KLRC1: variants seen among roughly 807,000 people sequenced by gnomAD.
KLRC1 encodes the protein NKG2-A/NKG2-B type II integral membrane protein.
Under a neutral mutation model 25.9 loss-of-function variants are expected in KLRC1, and 22 were observed. That is an observed-to-expected ratio of 0.85 (90% CI 0.61 to 1.21). The LOEUF (loss-of-function observed/expected upper bound fraction) is 1.21. Among genes scored for constraint, KLRC1 ranks in the 50% most tolerant of loss-of-function variants. The pLI, the probability that KLRC1 is intolerant of heterozygous loss-of-function variation, is 0.00. For synonymous variants in KLRC1, 77 were observed against 93.1 expected (o/e 0.83, Z 0.99); for missense variants, 240 against 272.2 (o/e 0.88, Z 0.83).
chr12:10,448,213 T>A (rs1591613949), intron 5 of KLRC1, among the ~76,000 whole-genome samples: 1 of 151,860 alleles, frequency 6.6e-6, no homozygotes, highest in Non-Finnish European at 1.5e-5. Flanking sequence ...CTCTGAAAGG[T>A]GGAAAGAGAA....
At chr12:10,449,194 G>A (rs771443855) in intron 5 of KLRC1, 43 bp downstream of exon 5, 30 of 1,610,972 alleles carry the variant, frequency 1.9e-5, no homozygotes, top group African/African-American at 1.3e-4. Context: ...ATTATCGACC[G>A]AAAGAAGCTT....
chr12:10,452,180 T>C (rs964206178), intron 1 of KLRC1, among the ~76,000 whole-genome samples: 10 of 152,134 alleles, frequency 6.6e-5, no homozygotes, highest in African/African-American at 2.4e-4. Context: ...TAATTAGTAA[T>C]TGGTAATTTA....
intron 6 of KLRC1, chr12:10,447,331 T>C (rs1864009716): frequency 2.9e-5 from 5 of 172,432 alleles, no homozygotes; most frequent in South Asian, 1.2e-4. Flanking sequence ...CACCTGATAA[T>C]CAAGAAGGTT....
At chr12:10,443,508 T>C (rs1863937913), downstream of KLRC1, among the ~76,000 whole-genome samples, 2 of 139,374 alleles carry the variant, frequency 1.4e-5, no homozygotes, top group African/African-American at 2.8e-5. Flanking sequence ...TCATTGCATG[T>C]ACCTAATGCT....
At chr12:10,444,914 ATTTTTTTT>A (rs748521358), downstream of KLRC1, among the ~76,000 whole-genome samples, 1 of 89,116 alleles carries the variant, frequency 1.1e-5, no homozygotes, top group African/African-American at 4.8e-5. Context: ...ATATGCACTA[ATTTTTTTT>A]TTTTTTTTTT....
intron 6 of KLRC1, 33 bp downstream of exon 6, chr12:10,447,499 T>C: frequency 1.0e-5 from 15 of 1,443,902 alleles, no homozygotes; most frequent in Middle Eastern, 1.8e-4. Flanking sequence ...TTTATATATA[T>C]ATTGTTATAT....
chr12:10,448,903 G>C (rs1201254730), intron 5 of KLRC1, among the ~76,000 whole-genome samples: 2 of 152,182 alleles, frequency 1.3e-5, no homozygotes, highest in East Asian at 3.8e-4. Context: ...TTTATTTCAT[G>C]ATCTGACTTG....
At chr12:10,444,016 TATATATCCAAATA>T (rs1863943172), downstream of KLRC1, among the ~76,000 whole-genome samples, 2 of 133,056 alleles carry the variant, frequency 1.5e-5, no homozygotes, top group South Asian at 4.7e-4. Context: ...AATTCAGTAA[TATATATCCAAATA>T]ACATATGGGT....
At chr12:10,444,914 A>ATTTTTTTTTTTTTTTTTTTTTTTTTTT (rs748521358), downstream of KLRC1, among the ~76,000 whole-genome samples, 1 of 89,106 alleles carries the variant, frequency 1.1e-5, no homozygotes, top group African/African-American at 4.8e-5. Flanking sequence ...ATATGCACTA[A>ATTTTTTTTTTTTTTTTTTTTTTTTTTT]TTTTTTTTTT....
At chr12:10,448,738 C>A (rs1490535368) in intron 5 of KLRC1, among the ~76,000 whole-genome samples, 1 of 152,206 alleles carries the variant, frequency 6.6e-6, no homozygotes, top group Non-Finnish European at 1.5e-5. Flanking sequence ...GTGAAAAACA[C>A]AGACATGAAA....
chr12:10,453,564 A>AT (rs35500295), upstream of KLRC1, among the ~76,000 whole-genome samples: 30 of 149,436 alleles, frequency 2.0e-4, no homozygotes, highest in South Asian at 2.1e-4. Context: ...GCCTATGAGA[A>AT]TTTTTTTTTT....
At chr12:10,449,686 CT>C (rs1379243350) in intron 4 of KLRC1, among the ~76,000 whole-genome samples, 1 of 152,082 alleles carries the variant, frequency 6.6e-6, no homozygotes, top group African/African-American at 2.4e-5. Context: ...CAATAAATAA[CT>C]TGTATCTTAT....
rs901202725 is a variant in KLRC1, at chr12:10,451,914, A to T, written c.-31-727T>A. Among the ~76,000 whole-genome samples, 47 of 152,100 alleles carry T rather than the reference A, an allele frequency of 3.1e-4. 1 individual carries two copies. In the South Asian group the frequency reaches 3.7e-3, roughly 12 times the overall value. On this transcript the variant is annotated intron_variant, in intron 1 of 6. Transcript: ENST00000359151. The stretch of plus-strand genomic sequence containing the variant: ...AGTAAAGTTGACATATATATATATA[A>T]AAATTTCTTGCACTACATTACTTTT...
intron 6 of KLRC1, among the ~76,000 whole-genome samples, chr12:10,446,889 A>G (rs1313023413): frequency 6.6e-6 from 1 of 152,226 alleles, no homozygotes; most frequent in Non-Finnish European, 1.5e-5. Flanking sequence ...CAGATAGTGC[A>G]GAACCTATAG....
At chr12:10,445,602 C>G (rs564585854), downstream of KLRC1, among the ~76,000 whole-genome samples, 1 of 151,970 alleles carries the variant, frequency 6.6e-6, no homozygotes, top group Non-Finnish European at 1.5e-5. Context: ...AATAAAACTA[C>G]GTTATAGCAT....
Position 10,449,373 on chromosome 12 carries a change from T to C in KLRC1, c.353A>G (p.His118Arg), listed in dbSNP as rs746818715. 2.5e-6 allele frequency: 4 copies of C among 1,613,488 alleles called. No individual in the cohort carries two copies. The highest frequency in any genetic ancestry group is 3.3e-5 in the Admixed American group (2 of 59,954). ...TRTQKARHCG[H>R]CPEEWITYSN... is the part of the protein sequence containing the mutation. ...ATATGTAATCCACTCCTCAGGACAA[T>C]GGCCACAATGACGTGCTAAATAAAG... The change falls in exon 5 of 7, where the codon CAT becomes CGT. Residue 118 changes from histidine to arginine, a missense_variant. Physicochemically the swap from His to Arg is conservative, Grantham distance 29. Coordinates refer to ENST00000359151, the MANE Select transcript of KLRC1 (RefSeq NM_002259.5).
At chr12:10,453,396 C>G (rs1385049179), upstream of KLRC1, 1 of 983,646 alleles carries the variant, frequency 1.0e-6, no homozygotes, top group Non-Finnish European at 1.2e-6. Flanking sequence ...GATTTCTCAT[C>G]AACGTGTTAC....
chr12:10,445,216 C>A (rs1346911496), downstream of KLRC1, among the ~76,000 whole-genome samples: 1 of 151,956 alleles, frequency 6.6e-6, no homozygotes, highest in East Asian at 1.9e-4. Context: ...CCACACCCGG[C>A]CAGCACTGAT....
At chr12:10,445,461 G>A (rs1191388052), downstream of KLRC1, among the ~76,000 whole-genome samples, 2 of 152,054 alleles carry the variant, frequency 1.3e-5, no homozygotes, top group African/African-American at 2.4e-5. Context: ...ACCAAGCTTT[G>A]TAAATATGAA....
Sources: allele counts gnomAD v4.1 joint callset (sites outside exome capture counted in the v4.1 genomes callset), GRCh38; gene constraint gnomAD v4.1.1; transcripts MANE v1.5; gene names NCBI Gene and HGNC (gene_info 2026-07-23, HGNC 2026-07-21).